The following TASP1 variants were observed in gnomAD, a reference collection of about 807,000 sequenced individuals.
TASP1 encodes the protein taspase 1.
In TASP1, 16 loss-of-function variants were observed where a neutral mutation model predicts 56.6. The observed-to-expected ratio is 0.28, with a 90% confidence interval of 0.19 to 0.43. TASP1 has a LOEUF of 0.43. Ranked by LOEUF, TASP1 falls within the 20% of genes least tolerant of loss-of-function variation. TASP1 has a pLI of 1.00. For synonymous variants in TASP1, 179 were observed against 184.2 expected, an observed-to-expected ratio of 0.97 and a Z score of 0.23; for missense variants, 393 against 511.6, an observed-to-expected ratio of 0.77 and a Z score of 2.24.
intron 11 of TASP1, among the ~76,000 whole-genome samples, chr20:13,437,768 G>A (rs955532078): frequency 4.4e-4 from 67 of 152,180 alleles, no homozygotes; most frequent in African/African-American, 1.4e-3. Flanking sequence ...AATTGCTTCA[G>A]AGAGAATAAA....
rs187244627 is a variant in TASP1 at position 13,518,637 on chromosome 20, A to G, written c.874+9796T>C. On this transcript the variant is annotated intron_variant, in intron 10 of 13. Coordinates refer to ENST00000337743, the MANE Select transcript of TASP1 (RefSeq NM_017714.3). ...TCACTGGCTTACCCCACCACAATGTATTTGTTTGTCATTCATATTCATTCA... is the reference window on the plus strand; with the variant it reads ...TCACTGGCTTACCCCACCACAATGTGTTTGTTTGTCATTCATATTCATTCA... Among the ~76,000 whole-genome samples the G allele has an allele frequency of 1.2e-3, 184 of 152,174 alleles. No individual in the cohort carries two copies. The Middle Eastern group carries it at 0.014, about 11-fold the overall frequency.
the TASP1 span, among the ~76,000 whole-genome samples, chr20:13,363,257 A>T: frequency 6.6e-6 from 1 of 152,158 alleles, no homozygotes; most frequent in Non-Finnish European, 1.5e-5. Context: ...TGGAGAAGAA[A>T]GAGAGGCTGG....
chr20:13,332,244 G>A, the TASP1 span, among the ~76,000 whole-genome samples: 1 of 152,002 alleles, frequency 6.6e-6, no homozygotes, highest in Non-Finnish European at 1.5e-5. Context: ...TATGTTGTGG[G>A]GCCCAGTGCA....
In TASP1 at chr20:13,421,953, C is replaced by CTTTTTTTTTTTT. The variant is rs1179688722; in HGVS notation, c.1097-4444_1097-4433dup. Among the ~76,000 whole-genome samples, 111 of 139,028 alleles carry CTTTTTTTTTTTT rather than the reference C, an allele frequency of 8.0e-4. 3 individuals are homozygous for CTTTTTTTTTTTT. Among genetic ancestry groups the CTTTTTTTTTTTT allele is most frequent in the African/African-American group, 2.5e-3 (91 of 36,910 alleles). The allele number at this position is 139,028 out of a possible 152,430, so 91.2% of individuals were successfully genotyped here. On this transcript the variant is annotated intron_variant, in intron 12 of 13. Transcript: ENST00000337743. ...TATTTTATATGTGTTTCTGTTTAACCTTTTTTTTTTTTTTTTTTGACAGAG... is the reference window on the plus strand; with the variant it reads ...TATTTTATATGTGTTTCTGTTTAACCTTTTTTTTTTTTTTTTTTTTTTTTTTTTTTGACAGAG...
the TASP1 span, among the ~76,000 whole-genome samples, chr20:13,123,292 C>CT: frequency 6.6e-6 from 1 of 151,488 alleles, no homozygotes; most frequent in Admixed American, 6.6e-5. Flanking sequence ...GGTCATGCCA[C>CT]TGCACTCCAG....
At chr20:13,496,280 C>A (rs997845416) in intron 10 of TASP1, among the ~76,000 whole-genome samples, 1 of 152,108 alleles carries the variant, frequency 6.6e-6, no homozygotes, top group Non-Finnish European at 1.5e-5. Context: ...GTCTCAAACT[C>A]CTGACCTCAG....
At position 13,559,486 on chromosome 20, in the gene TASP1, A is replaced by T. The variant is rs138097258; in HGVS notation, c.569-372T>A. Among the ~76,000 whole-genome samples, 727 of 152,272 alleles carry T rather than the reference A, an allele frequency of 4.8e-3. 4 individuals are homozygous for T. Among genetic ancestry groups the T allele is most frequent in the African/African-American group, 0.016 (653 of 41,566 alleles). On this transcript the variant is annotated intron_variant, in intron 7 of 13. Transcript: ENST00000337743. ...CACACTGGAGATTATCCACAAAGAA[A>T]GGAGAAAGTCTCAATGGTTGATATT... is the stretch of plus-strand genomic sequence containing the variant.
chr20:13,386,828 C>T (rs879632558), downstream of TASP1, among the ~76,000 whole-genome samples: 5 of 152,134 alleles, frequency 3.3e-5, no homozygotes, highest in Admixed American at 2.0e-4. Context: ...AAAATTCTAA[C>T]ATATTGATAT....
chr20:13,408,577 T>C (rs1464775199), intron 13 of TASP1, among the ~76,000 whole-genome samples: 1 of 152,206 alleles, frequency 6.6e-6, no homozygotes, highest in East Asian at 1.9e-4. Flanking sequence ...AGATTAATGT[T>C]ATTTCTTCCT....
chr20:13,354,944 A>G, the TASP1 span, among the ~76,000 whole-genome samples: 9 of 152,252 alleles, frequency 5.9e-5, no homozygotes, highest in Non-Finnish European at 1.2e-4. Context: ...AAAACATTGT[A>G]TGAGAAAGAG....
chr20:13,393,944 C>G (rs936638053), intron 13 of TASP1, among the ~76,000 whole-genome samples: 1 of 151,846 alleles, frequency 6.6e-6, no homozygotes, highest in Non-Finnish European at 1.5e-5. Flanking sequence ...ATCTGTTTGG[C>G]TGAAAAGTGA....
At chr20:13,608,578 G>C (rs1171975755) in intron 4 of TASP1, among the ~76,000 whole-genome samples, 4 of 152,248 alleles carry the variant, frequency 2.6e-5, no homozygotes, top group Admixed American at 6.5e-5. Context: ...AAGCATGGCT[G>C]TGTTCCAATA....
chr20:13,288,336 G>A, the TASP1 span, among the ~76,000 whole-genome samples: 1 of 152,188 alleles, frequency 6.6e-6, no homozygotes. Flanking sequence ...CCACCACAGT[G>A]CCCAAAACCT....
the TASP1 span, among the ~76,000 whole-genome samples, chr20:13,349,769 T>C: frequency 6.6e-6 from 1 of 152,206 alleles, no homozygotes; most frequent in African/African-American, 2.4e-5. Context: ...GGTCACGGGA[T>C]ACAAGATCAG....
the TASP1 span, among the ~76,000 whole-genome samples, chr20:13,208,932 G>A: frequency 5.9e-5 from 9 of 152,122 alleles, no homozygotes; most frequent in African/African-American, 2.2e-4. Flanking sequence ...GTTATGCATC[G>A]GTAGTTACTG....
the TASP1 span, among the ~76,000 whole-genome samples, chr20:13,223,597 A>G: frequency 1.3e-5 from 2 of 152,188 alleles, no homozygotes; most frequent in East Asian, 3.9e-4. Flanking sequence ...AAAAGTACAC[A>G]CCCCAAAGCT....
At chr20:13,541,400 C>G (rs745465217) in intron 8 of TASP1, among the ~76,000 whole-genome samples, 8 of 152,138 alleles carry the variant, frequency 5.3e-5, no homozygotes, top group Non-Finnish European at 1.2e-4. Flanking sequence ...ATAAATAAAT[C>G]CAATGAGTTC....
At chr20:13,230,554 A>G in the TASP1 span, among the ~76,000 whole-genome samples, 2 of 152,100 alleles carry the variant, frequency 1.3e-5, no homozygotes, top group African/African-American at 4.8e-5. Flanking sequence ...TTTACCCTTT[A>G]CAAATTTTAT....
At chr20:13,517,571 C>T (rs1342600013) in intron 10 of TASP1, among the ~76,000 whole-genome samples, 1 of 151,878 alleles carries the variant, frequency 6.6e-6, no homozygotes, top group Admixed American at 6.6e-5. Context: ...TTTCATTTCC[C>T]AAATCCTATC....
Sources: allele counts gnomAD v4.1 joint callset (sites outside exome capture counted in the v4.1 genomes callset), GRCh38; gene constraint gnomAD v4.1.1; transcripts MANE v1.5; gene names NCBI Gene and HGNC (gene_info 2026-07-23, HGNC 2026-07-21).